Variants in TRHDE observed in about 807,000 individuals in gnomAD.
TRHDE encodes the protein thyrotropin releasing hormone degrading enzyme.
In TRHDE, 72 loss-of-function variants were observed where a neutral mutation model predicts 125.7. That is an observed-to-expected ratio of 0.57 (90% CI 0.47 to 0.70). The LOEUF (loss-of-function observed/expected upper bound fraction) is 0.70. Among genes scored for constraint, TRHDE ranks in the 30% least tolerant of loss-of-function variants. The pLI is 0.00. For missense variants in TRHDE, 1,110 were observed against 1,327.1 expected, an observed-to-expected ratio of 0.84 and a Z score of 2.54; for synonymous variants, 509 against 509.1, an observed-to-expected ratio of 1.00 and a Z score of 0.00.
intron 2 of TRHDE, among the ~76,000 whole-genome samples, chr12:72,251,913 C>A (rs1194733947): frequency 6.6e-6 from 1 of 152,070 alleles, no homozygotes; most frequent in African/African-American, 2.4e-5. Flanking sequence ...AAGTTGAAAT[C>A]TTTTTACATG....
chr12:72,510,366 T>C (rs572994313), intron 6 of TRHDE, among the ~76,000 whole-genome samples: 4 of 152,206 alleles, frequency 2.6e-5, no homozygotes, highest in Non-Finnish European at 5.9e-5. Flanking sequence ...ACAATAGGCT[T>C]TTAGTGTGCT....
intron 15 of TRHDE, among the ~76,000 whole-genome samples, chr12:72,649,425 G>A (rs1874415255): frequency 6.6e-6 from 1 of 151,984 alleles, no homozygotes; most frequent in East Asian, 1.9e-4. Context: ...AGAGTTAAAT[G>A]GGGCCCCAAA....
intron 15 of TRHDE, among the ~76,000 whole-genome samples, chr12:72,644,492 C>T (rs368440022): frequency 4.3e-4 from 66 of 152,180 alleles, no homozygotes; most frequent in African/African-American, 1.5e-3. Flanking sequence ...AAAGAAAAAT[C>T]CCAATTCTTG....
At chr12:72,565,819 T>G (rs939506469) in intron 9 of TRHDE, among the ~76,000 whole-genome samples, 1 of 152,096 alleles carries the variant, frequency 6.6e-6, no homozygotes, top group African/African-American at 2.4e-5. Context: ...TGAAAACGAC[T>G]GATAAGAGAG....
intron 15 of TRHDE, among the ~76,000 whole-genome samples, chr12:72,630,517 A>C (rs373500109): frequency 6.6e-6 from 1 of 151,758 alleles, no homozygotes; most frequent in Non-Finnish European, 1.5e-5. Context: ...CACCAAGTTT[A>C]TGGTAATTTA....
chr12:72,327,728 C>A (rs1869405697), intron 2 of TRHDE, among the ~76,000 whole-genome samples: 1 of 151,752 alleles, frequency 6.6e-6, no homozygotes, highest in South Asian at 2.1e-4. Flanking sequence ...CTTTTAGCAG[C>A]TGTTCTCTTT....
intron 2 of TRHDE, among the ~76,000 whole-genome samples, chr12:72,335,497 G>A (rs1375284031): frequency 6.6e-6 from 1 of 152,136 alleles, no homozygotes; most frequent in Admixed American, 6.5e-5. Flanking sequence ...ACTGTACTTA[G>A]GTAGGCATAT....
chr12:72,461,155 A>C (rs1368647859), intron 3 of TRHDE, among the ~76,000 whole-genome samples: 2 of 152,222 alleles, frequency 1.3e-5, no homozygotes, highest in Non-Finnish European at 2.9e-5. Context: ...TGCTGATGAA[A>C]GTTCTGTTAC....
chr12:72,251,745 T>C (rs370476983), intron 2 of TRHDE, among the ~76,000 whole-genome samples: 4 of 152,190 alleles, frequency 2.6e-5, no homozygotes, highest in East Asian at 1.9e-4. Flanking sequence ...CATGAAAAGG[T>C]TTCCCAGTGT....
intron 5 of TRHDE, among the ~76,000 whole-genome samples, chr12:72,491,073 T>G (rs911208391): frequency 1.3e-5 from 2 of 151,702 alleles, no homozygotes; most frequent in Admixed American, 6.6e-5. Context: ...TTACTATCTA[T>G]GTATATCCCA....
At chr12:72,281,717 T>G (rs1447865393) in intron 1 of TRHDE, among the ~76,000 whole-genome samples, 1 of 152,188 alleles carries the variant, frequency 6.6e-6, no homozygotes, top group Non-Finnish European at 1.5e-5. Flanking sequence ...TGTCTTACCT[T>G]TATGAAAAGG....
intron 2 of TRHDE, among the ~76,000 whole-genome samples, chr12:72,297,867 G>A (rs139650812): frequency 6.6e-6 from 1 of 152,310 alleles, no homozygotes; most frequent in African/African-American, 2.4e-5. Flanking sequence ...CGGAATGGTA[G>A]ACTGGAGGGA....
Position 72,669,669 on chromosome 12 carries a change from GT to G in TRHDE, c.*6479del, listed in dbSNP as rs1275915460. 1.3e-5 allele frequency: 2 copies of G among 151,624 alleles called. No homozygotes were observed. The highest frequency in any genetic ancestry group is 4.8e-5 in the African/African-American group (2 of 41,362). The allele number at this position is 151,624 out of a possible 1,614,324, so 9.4% of individuals were successfully genotyped here. The stretch of plus-strand genomic sequence containing the variant: ...ACTCAGTGAGAACATTCATTATTAA[GT>G]TTTTGCTATTAATTTTCATTTAAAA... On this transcript the variant is annotated 3_prime_UTR_variant, in exon 19 of 19. Transcript: ENST00000261180.
chr12:72,628,369 A>C (rs1873345941), intron 15 of TRHDE, among the ~76,000 whole-genome samples: 2 of 145,534 alleles, frequency 1.4e-5, no homozygotes, highest in African/African-American at 5.2e-5. Flanking sequence ...GAAGGAAAGG[A>C]GGTGTTAAGT....
intron 2 of TRHDE, among the ~76,000 whole-genome samples, chr12:72,226,136 C>T (rs1878123690): frequency 6.6e-6 from 1 of 152,194 alleles, no homozygotes; most frequent in Admixed American, 6.6e-5. Context: ...AGGATCTCTC[C>T]TTTATTTCCA....
intron 2 of TRHDE, among the ~76,000 whole-genome samples, chr12:72,250,837 GAT>G (rs376713479): frequency 0.024 from 2,819 of 117,916 alleles, 118 homozygotes; most frequent in African/African-American, 0.076. Context: ...ATGACTTACA[GAT>G]ATATATATAT....
intron 4 of TRHDE, among the ~76,000 whole-genome samples, chr12:72,470,587 T>G (rs957864680): frequency 1.3e-5 from 2 of 152,190 alleles, no homozygotes; most frequent in African/African-American, 4.8e-5. Context: ...AAAAAATCAC[T>G]GAAAATAGAC....
chr12:72,485,521 C>A (rs965065567), intron 5 of TRHDE, among the ~76,000 whole-genome samples: 12 of 152,102 alleles, frequency 7.9e-5, no homozygotes, highest in African/African-American at 2.9e-4. Flanking sequence ...AGAGCAGTCA[C>A]GCCTCTGGCA....
chr12:72,509,073 T>C (rs1878475219), intron 6 of TRHDE, among the ~76,000 whole-genome samples: 1 of 152,160 alleles, frequency 6.6e-6, no homozygotes, highest in African/African-American at 2.4e-5. Flanking sequence ...GGTAGTTCTT[T>C]ATAGCAATGC....
Sources: allele counts gnomAD v4.1 joint callset (sites outside exome capture counted in the v4.1 genomes callset), GRCh38; gene constraint gnomAD v4.1.1; transcripts MANE v1.5; gene names NCBI Gene and HGNC (gene_info 2026-07-23, HGNC 2026-07-21).